CTNNA3: variants seen among roughly 807,000 people sequenced by gnomAD.
The protein encoded by CTNNA3 is catenin alpha-3.
In CTNNA3, 76 loss-of-function variants were observed where a neutral mutation model predicts 95.7. The ratio of observed to expected loss-of-function variants is 0.79; its 90% CI spans 0.66 to 0.96. CTNNA3 has a LOEUF of 0.96. Among genes scored for constraint, CTNNA3 ranks in the 40% least tolerant of loss-of-function variants. The probability of loss-of-function intolerance (pLI) is 0.00; values close to 1 mark genes in which losing one functional copy is unlikely to be tolerated. For missense variants in CTNNA3, 1,191 were observed against 1,089.8 expected (o/e 1.09, Z -1.31); for synonymous variants, 431 against 374.4 (o/e 1.15, Z -1.74).
chr10:67,041,569 G>A (rs1478704395), intron 7 of CTNNA3, among the ~76,000 whole-genome samples: 2 of 152,054 alleles, frequency 1.3e-5, no homozygotes, highest in African/African-American at 4.8e-5. Flanking sequence ...GTAATTGACT[G>A]GCTCATAAAA....
intron 2 of CTNNA3, among the ~76,000 whole-genome samples, chr10:67,632,126 C>CCACACACACA (rs71006156): frequency 0.018 from 2,532 of 139,008 alleles, 50 homozygotes; most frequent in African/African-American, 0.047. Flanking sequence ...AGTGTCTTAG[C>CCACACACACA]CACACACACA....
At chr10:67,411,375 A>G (rs1318552175) in intron 5 of CTNNA3, among the ~76,000 whole-genome samples, 1 of 152,156 alleles carries the variant, frequency 6.6e-6, no homozygotes, top group Admixed American at 6.5e-5. Context: ...AGGTTAATTT[A>G]ATATGACCAA....
chr10:66,138,462 G>T (rs1399837082), intron 13 of CTNNA3, among the ~76,000 whole-genome samples: 2 of 152,128 alleles, frequency 1.3e-5, no homozygotes, highest in Non-Finnish European at 2.9e-5. Context: ...TTGAGGCAAA[G>T]AAAACAATAG....
intron 1 of CTNNA3, among the ~76,000 whole-genome samples, chr10:67,673,796 CGG>C (rs1840486085): frequency 7.6e-6 from 1 of 132,380 alleles, no homozygotes; most frequent in South Asian, 2.7e-4. Context: ...AAGTTAATAA[CGG>C]ACGTCCGTTA....
intron 6 of CTNNA3, among the ~76,000 whole-genome samples, chr10:67,205,493 A>G (rs933356878): frequency 6.6e-6 from 1 of 152,190 alleles, no homozygotes; most frequent in African/African-American, 2.4e-5. Flanking sequence ...ATAACTGTGA[A>G]AAGTCATTAA....
intron 5 of CTNNA3, among the ~76,000 whole-genome samples, chr10:67,449,161 A>G (rs1010786870): frequency 2.6e-5 from 4 of 152,096 alleles, no homozygotes; most frequent in African/African-American, 4.8e-5. Context: ...ATTACAAAAC[A>G]CTGCTCAAAG....
intron 7 of CTNNA3, among the ~76,000 whole-genome samples, chr10:67,178,215 G>C (rs1284780727): frequency 5.3e-5 from 8 of 152,050 alleles, no homozygotes; most frequent in African/African-American, 1.4e-4. Flanking sequence ...CATTTGGTGG[G>C]GCCACAGATG....
rs370647671 is a variant in CTNNA3, at chr10:67,326,457, G to A, written c.580-106587C>T. On this transcript the variant is annotated intron_variant, in intron 5 of 17. Transcript: ENST00000433211. ...CCCTCAGCATTTGCCTGTCTGAAAA[G>A]GATCTTATTTCTCCTTCATTTATGC... 3.3e-5 allele frequency among the ~76,000 whole-genome samples: 5 copies of A among 152,286 alleles called. No individual in the cohort carries two copies. The East Asian group carries it at 5.8e-4, about 18-fold the overall frequency.
Position 66,492,854 on chromosome 10 carries a change from C to T in CTNNA3, c.1531+27763G>A, listed in dbSNP as rs973898050. Among the ~76,000 whole-genome samples the T allele has an allele frequency of 1.1e-4, 16 of 152,096 alleles. No individual in the cohort carries two copies. The South Asian group carries it at 1.7e-3, about 16-fold the overall frequency. ...CTCCATCTAGTTTAAAGATCATTCT[C>T]CTTGATAGAGAAGGAAGAAACAAAA... On this transcript the variant is annotated intron_variant, in intron 11 of 17. Transcript: ENST00000433211.
At chr10:66,034,473 C>T (rs4084961) in intron 15 of CTNNA3, among the ~76,000 whole-genome samples, 26,336 of 152,072 alleles carry the variant, frequency 0.17, 2,440 homozygotes, top group East Asian at 0.34. Flanking sequence ...CAATTCTTCA[C>T]CATTTTCACC....
chr10:66,678,695 T>C (rs1367821052), intron 9 of CTNNA3, among the ~76,000 whole-genome samples: 1 of 152,202 alleles, frequency 6.6e-6, no homozygotes, highest in Non-Finnish European at 1.5e-5. Context: ...GTCAGCTCAC[T>C]GAACTATTAC....
chr10:65,947,118 A>G (rs1465795766), intron 17 of CTNNA3, among the ~76,000 whole-genome samples: 3 of 144,608 alleles, frequency 2.1e-5, no homozygotes, highest in Non-Finnish European at 3.0e-5. Context: ...GAATTCATCC[A>G]TTACTCATCA....
chr10:67,130,339 G>T (rs1859932839), intron 7 of CTNNA3, among the ~76,000 whole-genome samples: 1 of 152,062 alleles, frequency 6.6e-6, no homozygotes, highest in Non-Finnish European at 1.5e-5. Context: ...TATAGGGCAG[G>T]CAGGGAGAAG....
intron 5 of CTNNA3, among the ~76,000 whole-genome samples, chr10:67,450,119 T>A (rs1456575561): frequency 6.6e-6 from 1 of 152,188 alleles, no homozygotes; most frequent in Non-Finnish European, 1.5e-5. Flanking sequence ...CCAGTCAGGA[T>A]GGTTATTATT....
At chr10:66,961,882 T>C (rs1031663543) in intron 7 of CTNNA3, among the ~76,000 whole-genome samples, 1 of 152,164 alleles carries the variant, frequency 6.6e-6, no homozygotes, top group Non-Finnish European at 1.5e-5. Context: ...TAATGGCATA[T>C]GGAGGCCAAA....
intron 9 of CTNNA3, among the ~76,000 whole-genome samples, chr10:66,680,479 A>C (rs1003358480): frequency 1.3e-5 from 2 of 152,202 alleles, no homozygotes; most frequent in African/African-American, 4.8e-5. Context: ...AAATTCTGTC[A>C]TTTATGTGGA....
intron 7 of CTNNA3, among the ~76,000 whole-genome samples, chr10:66,895,889 C>T (rs1340328898): frequency 7.0e-6 from 1 of 142,132 alleles, no homozygotes; most frequent in African/African-American, 2.6e-5. Context: ...ACCAGCCTGA[C>T]CAACATGGAG....
intron 17 of CTNNA3, among the ~76,000 whole-genome samples, chr10:65,955,077 T>C (rs1328029368): frequency 6.6e-6 from 1 of 152,228 alleles, no homozygotes. Flanking sequence ...CAGTGGTTTG[T>C]AGATCTCCTT....
intron 10 of CTNNA3, among the ~76,000 whole-genome samples, chr10:66,590,086 T>C (rs1843497029): frequency 6.6e-6 from 1 of 152,134 alleles, no homozygotes; most frequent in South Asian, 2.1e-4. Context: ...AATGGTATTG[T>C]TTCAATCAAA....
Sources: allele counts gnomAD v4.1 joint callset (sites outside exome capture counted in the v4.1 genomes callset), GRCh38; gene constraint gnomAD v4.1.1; transcripts MANE v1.5; gene names NCBI Gene and HGNC (gene_info 2026-07-23, HGNC 2026-07-21).